The following AOAH variants were observed in gnomAD, a reference collection of about 807,000 sequenced individuals.
The protein encoded by AOAH is acyloxyacyl hydrolase (neutrophil).
In AOAH, 64 loss-of-function variants were observed where a neutral mutation model predicts 92.2. The observed-to-expected ratio is 0.69, with a 90% CI of 0.57 to 0.86. The LOEUF is 0.86. AOAH is among the 40% of genes least tolerant of loss of function. The pLI is 0.00. For missense variants in AOAH, 656 were observed against 694.6 expected, an observed-to-expected ratio of 0.94 and a Z score of 0.62; for synonymous variants, 263 against 254.5, an observed-to-expected ratio of 1.03 and a Z score of -0.32.
chr7:36,515,407 CAA>C (rs1458098169), intron 20 of AOAH, among the ~76,000 whole-genome samples: 2 of 113,332 alleles, frequency 1.8e-5, no homozygotes, highest in African/African-American at 6.8e-5. Context: ...ACCACACACA[CAA>C]ACATCACACA....
Position 36,540,436 on chromosome 7 carries a change from T to C in AOAH, c.1189A>G (p.Met397Val). ...TTPEKLYSNV[M>V]QTLKHLNSHL... ...GAATTTAGATGCTTCAGAGTCTGCATGACGTTGGAGTAGAGTTTCTCAGGA... is the reference window on the plus strand; with the variant it reads ...GAATTTAGATGCTTCAGAGTCTGCACGACGTTGGAGTAGAGTTTCTCAGGA... Residue 397 changes from methionine to valine, a missense_variant, in exon 16 of 21, where the codon ATG becomes GTG. Coordinates refer to ENST00000617537, the MANE Select transcript of AOAH (RefSeq NM_001637.4). 1.2e-6 allele frequency: 2 copies of C among 1,614,064 alleles called. No individual in the cohort carries two copies. The highest frequency in any genetic ancestry group is 1.7e-6 in the Non-Finnish European group (2 of 1,179,940).
At chr7:36,627,494 T>C (rs4723548) in intron 6 of AOAH, among the ~76,000 whole-genome samples, 20,819 of 151,762 alleles carry the variant, frequency 0.14, 1,510 homozygotes, top group South Asian at 0.2. Context: ...GTTTTCTCAT[T>C]GGTAAAGTAG....
At chr7:36,588,337 C>A (rs527885742) in intron 12 of AOAH, among the ~76,000 whole-genome samples, 25 of 152,298 alleles carry the variant, frequency 1.6e-4, no homozygotes, top group African/African-American at 6.0e-4. Flanking sequence ...CACTTGTGGA[C>A]CCCCTGAGAG....
intron 11 of AOAH, among the ~76,000 whole-genome samples, chr7:36,613,449 C>T (rs558486432): frequency 5.9e-5 from 9 of 152,320 alleles, no homozygotes; most frequent in African/African-American, 1.7e-4. Context: ...GGGCTGAAGA[C>T]GGATTTCCCC....
At chr7:36,637,702 G>A (rs749687892) in intron 5 of AOAH, 149 bp downstream of exon 5, 28 of 720,752 alleles carry the variant, frequency 3.9e-5, no homozygotes, top group Non-Finnish European at 7.1e-6. Context: ...AGTGGAAGCA[G>A]TTCACATTCC....
At chr7:36,602,396 C>T (rs931554841) in intron 11 of AOAH, among the ~76,000 whole-genome samples, 14 of 151,550 alleles carry the variant, frequency 9.2e-5, no homozygotes, top group Admixed American at 2.6e-4. Flanking sequence ...CAAATGAGAA[C>T]GCATTGTACA....
intron 1 of AOAH, among the ~76,000 whole-genome samples, chr7:36,693,154 A>G (rs1400397193): frequency 6.6e-6 from 1 of 152,206 alleles, no homozygotes; most frequent in Non-Finnish European, 1.5e-5. Flanking sequence ...TAGAGTGCAG[A>G]CTGTGAACTA....
chr7:36,606,979 TGAGA>T (rs772131877), intron 11 of AOAH, among the ~76,000 whole-genome samples: 1 of 152,148 alleles, frequency 6.6e-6, no homozygotes. Flanking sequence ...TCTGGAACCA[TGAGA>T]GAGAGTCTTC....
intron 1 of AOAH, among the ~76,000 whole-genome samples, chr7:36,697,301 A>T (rs943949649): frequency 6.6e-6 from 1 of 152,202 alleles, no homozygotes; most frequent in Non-Finnish European, 1.5e-5. Flanking sequence ...TGGGCTGACA[A>T]TGTAATTGTG....
Position 36,678,600 on chromosome 7 carries a change from T to TGTGTGTGTGTGTGTGTGTGTGCGC in AOAH, c.224-4592_224-4591insGCGCACACACACACACACACACAC, listed in dbSNP as rs549317369. Among the ~76,000 whole-genome samples the TGTGTGTGTGTGTGTGTGTGTGCGC allele has an allele frequency of 2.0e-3, 263 of 130,998 alleles. 5 individuals carry two copies. The highest frequency in any genetic ancestry group is 3.3e-3 in the Non-Finnish European group (194 of 58,988). 85.9% of individuals were successfully genotyped at this position (130,998 alleles called of 152,430 possible). On this transcript the variant is annotated intron_variant, in intron 2 of 20. Transcript: ENST00000617537. The stretch of plus-strand genomic sequence containing the variant: ...GTGTGTGTGTGTGTGTGTGTGTGTG[T>TGTGTGTGTGTGTGTGTGTGTGCGC]GCGCGCGCGCGCGCGTTAGAATTCT...
chr7:36,723,382 A>G (rs1739886885), intron 1 of AOAH, among the ~76,000 whole-genome samples: 1 of 152,236 alleles, frequency 6.6e-6, no homozygotes, highest in African/African-American at 2.4e-5. Context: ...ACACTTCATT[A>G]ACAGATGAGC....
intron 20 of AOAH, among the ~76,000 whole-genome samples, chr7:36,517,459 T>C (rs922255773): frequency 2.0e-5 from 3 of 151,750 alleles, no homozygotes; most frequent in African/African-American, 7.3e-5. Flanking sequence ...GTCTAAAATA[T>C]TAAAGGAAAA....
At position 36,580,997 on chromosome 7, in the gene AOAH, C is replaced by A. The variant is rs1583868315; in HGVS notation, c.939-4341G>T. Among the ~76,000 whole-genome samples the A allele has an allele frequency of 2.0e-5, 3 of 152,156 alleles. No homozygotes were observed. The East Asian group carries it at 5.8e-4, about 29-fold the overall frequency. ...TTTGGTGTCTTCCAGTCCAGAGGCC[C>A]TTGACTTTAGTGTTTCCAGAGAATA... On this transcript the variant is annotated intron_variant, in intron 12 of 20. Transcript: ENST00000617537.
chr7:36,628,668 C>T (rs1052159450), intron 6 of AOAH, among the ~76,000 whole-genome samples: 6 of 152,140 alleles, frequency 3.9e-5, no homozygotes, highest in Non-Finnish European at 1.5e-5. Flanking sequence ...AGCTGGAACG[C>T]GTCCCTGGGG....
chr7:36,600,775 C>T (rs1330476199), intron 11 of AOAH, among the ~76,000 whole-genome samples: 2 of 152,152 alleles, frequency 1.3e-5, no homozygotes, highest in Admixed American at 6.5e-5. Context: ...AGTCCTTGAA[C>T]GTGAGGCTTC....
chr7:36,581,120 A>G (rs1788899748), intron 12 of AOAH, among the ~76,000 whole-genome samples: 1 of 152,174 alleles, frequency 6.6e-6, no homozygotes, highest in Non-Finnish European at 1.5e-5. Context: ...GCAATCTTCC[A>G]ACCAATACTT....
chr7:36,703,385 A>G (rs1306347231), intron 1 of AOAH, among the ~76,000 whole-genome samples: 1 of 152,052 alleles, frequency 6.6e-6, no homozygotes, highest in Non-Finnish European at 1.5e-5. Flanking sequence ...ACTTTATGTA[A>G]TGTATTTTAT....
chr7:36,655,807 A>G (rs1794848067), intron 4 of AOAH, among the ~76,000 whole-genome samples: 1 of 152,144 alleles, frequency 6.6e-6, no homozygotes, highest in Admixed American at 6.5e-5. Context: ...AGAGTGGTGA[A>G]CAAGACAGAA....
intron 1 of AOAH, among the ~76,000 whole-genome samples, chr7:36,715,313 T>G (rs140217736): frequency 0.18 from 26,711 of 151,916 alleles, 2,674 homozygotes; most frequent in South Asian, 0.27. Context: ...CACTGCTCAA[T>G]GAAATAAAAG....
Sources: gnomAD v4.1 joint callset for allele counts (sites outside exome capture counted in the v4.1 genomes callset) on GRCh38, gnomAD v4.1.1 for gene constraint, MANE v1.5 for transcripts, NCBI Gene and HGNC (gene_info 2026-07-23, HGNC 2026-07-21) for gene names.